The following PTPRC variants were observed in gnomAD, a reference collection of about 807,000 sequenced individuals.
PTPRC encodes protein tyrosine phosphatase receptor type C, also known as receptor-type tyrosine-protein phosphatase C.
A neutral mutation model predicts 155.9 loss-of-function variants in PTPRC; 44 were observed. The ratio of observed to expected loss-of-function variants is 0.28; its 90% CI spans 0.22 to 0.36. The LOEUF is 0.36. PTPRC is among the 10% of genes least tolerant of loss of function. The pLI, the probability that PTPRC is intolerant of heterozygous loss-of-function variation, is 1.00. For synonymous variants in PTPRC, 525 were observed against 533.1 expected, an observed-to-expected ratio of 0.98 and a Z score of 0.21; for missense variants, 1,401 against 1,564.6, an observed-to-expected ratio of 0.90 and a Z score of 1.76.
At chr1:198,733,351 G>A (rs536523132) in intron 20 of PTPRC, among the ~76,000 whole-genome samples, 11 of 151,784 alleles carry the variant, frequency 7.2e-5, no homozygotes, top group African/African-American at 2.7e-4. Context: ...CTGAAAGCAT[G>A]TGTCTTCTGC....
chr1:198,643,527 C>G (rs547596038), intron 2 of PTPRC, among the ~76,000 whole-genome samples: 1 of 151,684 alleles, frequency 6.6e-6, no homozygotes, highest in Non-Finnish European at 1.5e-5. Context: ...TACAGTCTTG[C>G]CTTTTTGTTT....
chr1:198,644,616 A>G (rs1221630366), intron 2 of PTPRC, among the ~76,000 whole-genome samples: 1 of 151,884 alleles, frequency 6.6e-6, no homozygotes, highest in Non-Finnish European at 1.5e-5. Flanking sequence ...GAATCACAAC[A>G]AAAAACAAGA....
At chr1:198,645,184 A>G (rs1662873696) in intron 2 of PTPRC, among the ~76,000 whole-genome samples, 1 of 151,834 alleles carries the variant, frequency 6.6e-6, no homozygotes, top group Non-Finnish European at 1.5e-5. Flanking sequence ...TCACTGATAG[A>G]CAAGAAGACA....
intron 25 of PTPRC, among the ~76,000 whole-genome samples, chr1:198,742,798 A>G (rs753381467): frequency 4.4e-4 from 67 of 151,810 alleles, no homozygotes; most frequent in Non-Finnish European, 6.8e-4. Context: ...TTTATTAAGT[A>G]ATTTTAGTCT....
At chr1:198,718,016 CTA>C in intron 13 of PTPRC, 76 bp from the exon 14 acceptor site, 1 of 1,174,032 alleles carries the variant, frequency 8.5e-7, no homozygotes, top group Non-Finnish European at 1.3e-6. Flanking sequence ...ATACTTTATA[CTA>C]TATCCAAGTA....
intron 12 of PTPRC, among the ~76,000 whole-genome samples, chr1:198,713,813 T>G (rs1023611213): frequency 6.6e-6 from 1 of 152,190 alleles, no homozygotes; most frequent in African/African-American, 2.4e-5. Context: ...AGGAATGAAG[T>G]GAACCTCATA....
At position 198,729,163 on chromosome 1, in the gene PTPRC, T is replaced by C. The variant is rs1257220764; in HGVS notation, c.1856T>C (p.Val619Ala). ...AATTTAGATGAACAGCAGGAGCTTG[T>C]TGAAAGGGGTAAGTATGTATATTTT... ...SCNLDEQQEL[V>A]ERDDEKQLMN... The change falls in exon 17 of 33, where the codon GTT (valine) becomes GCT (alanine). Residue 619 changes from valine (V) to alanine (A), a missense_variant. Physicochemically the swap from Val to Ala is moderately conservative, Grantham distance 64. Transcript: ENST00000442510. 14 of 1,611,276 alleles carry C rather than the reference T, an allele frequency of 8.7e-6. No individual in the cohort carries two copies. The highest frequency in any genetic ancestry group is 1.7e-4 in the Middle Eastern group (1 of 5,792).
intron 2 of PTPRC, among the ~76,000 whole-genome samples, chr1:198,657,214 T>C (rs951580173): frequency 6.6e-6 from 1 of 152,040 alleles, no homozygotes; most frequent in African/African-American, 2.4e-5. Flanking sequence ...ACAGTGTAGA[T>C]AATTAATCTT....
intron 30 of PTPRC, 33 bp downstream of exon 30, chr1:198,752,404 G>C: frequency 1.2e-6 from 2 of 1,609,064 alleles, no homozygotes; most frequent in Non-Finnish European, 1.7e-6. Flanking sequence ...ATATTTCTTT[G>C]ATATAATGGA....
chr1:198,748,290 C>T (rs1401766407), intron 27 of PTPRC, 91 bp downstream of exon 27: 17 of 1,473,820 alleles, frequency 1.2e-5, no homozygotes, highest in Non-Finnish European at 1.5e-5. Context: ...TATAAATTAT[C>T]TTGAAGCAAG....
chr1:198,694,573 T>C (rs1666100503), intron 3 of PTPRC: 1 of 987,410 alleles, frequency 1.0e-6, no homozygotes. Context: ...TGTTGAAACA[T>C]TTCTCTCAAA....
intron 14 of PTPRC, among the ~76,000 whole-genome samples, chr1:198,718,529 T>C (rs1015228304): frequency 1.5e-4 from 23 of 152,226 alleles, no homozygotes; most frequent in African/African-American, 5.5e-4. Flanking sequence ...AGAACTTCAA[T>C]ATGACTTAAT....
At chr1:198,711,805 A>G (rs1363977949) in intron 11 of PTPRC, among the ~76,000 whole-genome samples, 2 of 152,216 alleles carry the variant, frequency 1.3e-5, no homozygotes, top group Non-Finnish European at 2.9e-5. Context: ...AAATGGACAA[A>G]CATTTTTAAT....
intron 2 of PTPRC, among the ~76,000 whole-genome samples, chr1:198,647,152 C>A (rs1011787745): frequency 2.0e-5 from 3 of 151,864 alleles, no homozygotes; most frequent in African/African-American, 7.2e-5. Flanking sequence ...AAGATCATGT[C>A]CTCTAGACAG....
intron 2 of PTPRC, among the ~76,000 whole-genome samples, chr1:198,651,294 G>GTGTA (rs1663235384): frequency 1.1e-5 from 1 of 91,818 alleles, no homozygotes; most frequent in Admixed American, 1.1e-4. Flanking sequence ...GATTGGGATT[G>GTGTA]TGTGTGTGTG....
Position 198,722,349 on chromosome 1 carries a change from A to AATAT in PTPRC, c.1660-53_1660-50dup, listed in dbSNP as rs71717833. ...ATAAATGTTTTACATTGTGATATAT[A>AATAT]ATATATATATATATATAAATTCACA... is the stretch of plus-strand genomic sequence containing the variant. On this transcript the variant is annotated intron_variant, in intron 14 of 32. Coordinates refer to ENST00000442510, the MANE Select transcript of PTPRC (RefSeq NM_002838.5). 2.0e-3 allele frequency: 1,274 copies of AATAT among 643,646 alleles called. 3 individuals are homozygous for AATAT. The highest frequency in any genetic ancestry group is 2.4e-3 in the Non-Finnish European group (1,084 of 446,138). 39.9% of individuals were successfully genotyped at this position (643,646 alleles called of 1,614,324 possible).
intron 26 of PTPRC, among the ~76,000 whole-genome samples, chr1:198,746,910 C>G (rs571772020): frequency 6.6e-6 from 1 of 151,696 alleles, no homozygotes; most frequent in Non-Finnish European, 1.5e-5. Context: ...TTCTTTCACT[C>G]AATTACGTAG....
At chr1:198,666,840 C>T (rs185292755) in intron 2 of PTPRC, among the ~76,000 whole-genome samples, 1 of 152,058 alleles carries the variant, frequency 6.6e-6, no homozygotes, top group Non-Finnish European at 1.5e-5. Flanking sequence ...CAGTCATGAC[C>T]TTGTAGATCA....
rs112688114 is a variant in PTPRC at position 198,655,168 on chromosome 1, CG to C, written c.73+15829del. On this transcript the variant is annotated intron_variant, in intron 2 of 32. Coordinates refer to ENST00000442510, the MANE Select transcript of PTPRC (RefSeq NM_002838.5). ...GAGAGACAAGTATTGTTCAAGTTGCCGGTTTTTTTTAATTAGCTGACATATT... is the reference window on the plus strand; with the variant it reads ...GAGAGACAAGTATTGTTCAAGTTGCCGTTTTTTTTAATTAGCTGACATATT... 3.3e-5 allele frequency among the ~76,000 whole-genome samples: 5 copies of C among 150,070 alleles called. 1 individual carries two copies. Among genetic ancestry groups the C allele is most frequent in the Admixed American group, 2.0e-4 (3 of 15,032 alleles).
Sources: gnomAD v4.1 joint callset for allele counts (sites outside exome capture counted in the v4.1 genomes callset) on GRCh38, gnomAD v4.1.1 for gene constraint, MANE v1.5 for transcripts, NCBI Gene and HGNC (gene_info 2026-07-23, HGNC 2026-07-21) for gene names.